FSD1L: variants seen among roughly 807,000 people sequenced by gnomAD.
FSD1L encodes FSD1-like protein.
Under a neutral mutation model 71.6 loss-of-function variants are expected in FSD1L, and 45 were observed. The observed-to-expected ratio is 0.63, with a 90% CI of 0.49 to 0.81. The LOEUF is 0.81. FSD1L is among the 30% of genes least tolerant of loss of function. The pLI, the probability that FSD1L is intolerant of heterozygous loss-of-function variation, is 0.00. For missense variants in FSD1L, 561 were observed against 618.1 expected (o/e 0.91, Z 0.98); for synonymous variants, 197 against 207.2 (o/e 0.95, Z 0.42).
intron 6 of FSD1L, 104 bp from the exon 7 acceptor site, chr9:105,484,277 C>G (rs1832393668): frequency 2.6e-6 from 2 of 781,532 alleles, no homozygotes; most frequent in Non-Finnish European, 3.6e-6. Flanking sequence ...ATTATAGTCT[C>G]TGAAATTATT....
At chr9:105,521,874 C>T in intron 10 of FSD1L, 6 of 1,612,358 alleles carry the variant, frequency 3.7e-6, no homozygotes, top group Non-Finnish European at 5.1e-6. Context: ...TATATTTCTT[C>T]TTGAACCTGC....
In FSD1L at chr9:105,521,844, T is replaced by A. The variant is rs369292585; in HGVS notation, c.1025+8908T>A. 822 of 1,612,362 alleles carry A rather than the reference T, an allele frequency of 5.1e-4. 7 individuals carry two copies. The South Asian group carries it at 8.6e-3, about 17-fold the overall frequency. On this transcript the variant is annotated intron_variant, in intron 10 of 13. Transcript: ENST00000481272. ...TGGTACCCAGGCAGTTTTGCAGGTG[T>A]TTATTATAAACTCATCAAATATATT...
chr9:105,490,850 G>A (rs1402036636), intron 7 of FSD1L, among the ~76,000 whole-genome samples: 1 of 132,674 alleles, frequency 7.5e-6, no homozygotes, highest in Non-Finnish European at 1.6e-5. Flanking sequence ...GCTCTGTTCT[G>A]TTCCATTGAT....
At chr9:105,494,334 C>T (rs2131304653) in intron 7 of FSD1L, among the ~76,000 whole-genome samples, 1 of 152,244 alleles carries the variant, frequency 6.6e-6, no homozygotes, top group South Asian at 2.1e-4. Flanking sequence ...GTTCTCGAGC[C>T]TTGGCTTTCA....
At chr9:105,445,014 T>G (rs545705501), upstream of FSD1L, among the ~76,000 whole-genome samples, 1 of 152,364 alleles carries the variant, frequency 6.6e-6, no homozygotes, top group East Asian at 1.9e-4. Flanking sequence ...ATGCTTTATT[T>G]TATTTGTAAA....
At chr9:105,502,031 G>C (rs1046617242) in intron 7 of FSD1L, among the ~76,000 whole-genome samples, 3 of 151,750 alleles carry the variant, frequency 2.0e-5, no homozygotes, top group Non-Finnish European at 4.4e-5. Flanking sequence ...GCATGTTACT[G>C]CTCTTCGATT....
intron 3 of FSD1L, among the ~76,000 whole-genome samples, chr9:105,467,005 T>C (rs1416594131): frequency 2.0e-5 from 3 of 152,134 alleles, no homozygotes; most frequent in African/African-American, 7.2e-5. Context: ...TGCCATCTGG[T>C]GATTGAGAGG....
intron 10 of FSD1L, among the ~76,000 whole-genome samples, chr9:105,531,674 A>G (rs1412229113): frequency 6.6e-6 from 1 of 152,226 alleles, no homozygotes; most frequent in African/African-American, 2.4e-5. Context: ...TGTGCAGTCA[A>G]TTTATGAATT....
At chr9:105,525,111 G>A (rs1302458005) in intron 10 of FSD1L, 1 of 1,551,156 alleles carries the variant, frequency 6.4e-7, no homozygotes, top group African/African-American at 1.4e-5. Context: ...CCTCCTGTAA[G>A]TGGCTTGTCA....
intron 5 of FSD1L, among the ~76,000 whole-genome samples, chr9:105,475,839 TC>T (rs1212604985): frequency 6.6e-6 from 1 of 152,202 alleles, no homozygotes; most frequent in Non-Finnish European, 1.5e-5. Flanking sequence ...GAAAAATAGT[TC>T]CTTTTATGAA....
chr9:105,496,203 T>C (rs1173385148), intron 7 of FSD1L, among the ~76,000 whole-genome samples: 1 of 85,626 alleles, frequency 1.2e-5, no homozygotes, highest in South Asian at 3.7e-4. Context: ...TGACTGTAGC[T>C]TTTTTTTTTT....
At chr9:105,495,858 C>T (rs1159414843) in intron 7 of FSD1L, among the ~76,000 whole-genome samples, 3 of 151,872 alleles carry the variant, frequency 2.0e-5, no homozygotes, top group Non-Finnish European at 2.9e-5. Context: ...GCATGTAGTC[C>T]CAGCTCCTCG....
At chr9:105,524,446 G>T in intron 10 of FSD1L, 1 of 1,613,368 alleles carries the variant, frequency 6.2e-7, no homozygotes, top group Non-Finnish European at 8.5e-7. Flanking sequence ...CTTCTGGACT[G>T]GATCATGGCC....
chr9:105,532,289 A>G lies in FSD1L; in HGVS notation c.1026-2204A>G, dbSNP rs192998656. 1.1e-3 allele frequency among the ~76,000 whole-genome samples: 160 copies of G among 152,318 alleles called. 2 individuals carry two copies. Among genetic ancestry groups the G allele is most frequent in the Non-Finnish European group, 6.0e-4 (41 of 68,022 alleles). On this transcript the variant is annotated intron_variant, in intron 10 of 13. Coordinates refer to ENST00000481272, the MANE Select transcript of FSD1L (RefSeq NM_001145313.3). ...TGTGATCGGGCTTTTAACATTCTCT[A>G]TCAGCTTGTATAAAATGAATCAGAA...
intron 5 of FSD1L, among the ~76,000 whole-genome samples, chr9:105,476,017 G>T (rs1054663531): frequency 2.0e-5 from 3 of 151,900 alleles, no homozygotes; most frequent in African/African-American, 7.3e-5. Flanking sequence ...ATTAAAAAAA[G>T]ATAGAAACAA....
upstream of FSD1L, among the ~76,000 whole-genome samples, chr9:105,444,375 G>A (rs1829598003): frequency 6.6e-6 from 1 of 152,322 alleles, no homozygotes; most frequent in Non-Finnish European, 1.5e-5. Flanking sequence ...TGAAGGCTAC[G>A]TTGCTGGTAA....
In FSD1L at chr9:105,452,681, T is replaced by G. The variant is rs952945232; in HGVS notation, c.15+4446T>G. ...TGCCTGCCTGCCTGCCTTCCTTCCT[T>G]CCTTCCTTCCTTCCTTCCTTCCTTC... is the stretch of plus-strand genomic sequence containing the variant. On this transcript the variant is annotated intron_variant, in intron 1 of 13. Transcript: ENST00000481272. Among the ~76,000 whole-genome samples, 1,282 of 135,648 alleles carry G rather than the reference T, an allele frequency of 9.5e-3. 15 individuals are homozygous for G. Among genetic ancestry groups the G allele is most frequent in the African/African-American group, 0.035 (1,127 of 31,798 alleles). The allele number at this position is 135,648 out of a possible 152,430, so 89.0% of individuals were successfully genotyped here.
At chr9:105,546,306 C>A in intron 13 of FSD1L, 52 bp from the exon 14 acceptor site, 1 of 1,475,562 alleles carries the variant, frequency 6.8e-7, no homozygotes, top group Non-Finnish European at 9.0e-7. Flanking sequence ...TTAAAAATCA[C>A]TGAAATTCTA....
intron 5 of FSD1L, among the ~76,000 whole-genome samples, chr9:105,478,170 G>A (rs1337126583): frequency 2.0e-5 from 3 of 152,150 alleles, no homozygotes; most frequent in South Asian, 2.1e-4. Context: ...GCATGAACCC[G>A]GGAGGCAGAG....
Sources: allele counts gnomAD v4.1 joint callset (sites outside exome capture counted in the v4.1 genomes callset), GRCh38; gene constraint gnomAD v4.1.1; transcripts MANE v1.5; gene names NCBI Gene and HGNC (gene_info 2026-07-23, HGNC 2026-07-21).